SMARCC1: variants seen among roughly 807,000 people sequenced by gnomAD.
The protein encoded by SMARCC1 is SWI/SNF complex subunit SMARCC1.
In SMARCC1, 43 loss-of-function variants were observed where a neutral mutation model predicts 147.4. The observed-to-expected ratio is 0.29, with a 90% CI of 0.23 to 0.38. The LOEUF is 0.38. Among genes scored for constraint, SMARCC1 ranks in the 10% least tolerant of loss-of-function variants. The pLI is 1.00. For missense variants in SMARCC1, 1,119 were observed against 1,381.1 expected (o/e 0.81, Z 3.01); for synonymous variants, 495 against 484.4 (o/e 1.02, Z -0.29).
At chr3:47,598,825 CAAAAAAAAAAA>C (rs59776566) in intron 26 of SMARCC1, among the ~76,000 whole-genome samples, 73 of 68,992 alleles carry the variant, frequency 1.1e-3, no homozygotes, top group African/African-American at 3.4e-3. Flanking sequence ...GACTCTGTCT[CAAAAAAAAAAA>C]AAAAAAAAAA....
intron 23 of SMARCC1, among the ~76,000 whole-genome samples, chr3:47,635,800 GTTGA>G (rs2032961358): frequency 6.6e-6 from 1 of 152,170 alleles, no homozygotes; most frequent in South Asian, 2.1e-4. Flanking sequence ...CTTCAATACT[GTTGA>G]ATAACTTTTT....
At chr3:47,620,645 T>C (rs1265330626) in intron 25 of SMARCC1, among the ~76,000 whole-genome samples, 2 of 152,174 alleles carry the variant, frequency 1.3e-5, no homozygotes, top group African/African-American at 4.8e-5. Flanking sequence ...GTTTGGCCCA[T>C]GACCTTATGT....
intron 18 of SMARCC1, among the ~76,000 whole-genome samples, chr3:47,671,196 A>AAAAACAAAAAAAC (rs753672169): frequency 1.2e-5 from 1 of 81,144 alleles, no homozygotes; most frequent in Non-Finnish European, 2.4e-5. Context: ...AAAAAAAAAA[A>AAAAACAAAAAAAC]AACACACACA....
At chr3:47,772,713 T>A (rs1398126188) in intron 2 of SMARCC1, 104 bp downstream of exon 2, 59 of 1,048,054 alleles carry the variant, frequency 5.6e-5, no homozygotes, top group Middle Eastern at 3.1e-4. Flanking sequence ...TTTTTTTTTT[T>A]AAATTCTACA....
chr3:47,596,774 G>A (rs1014084639), intron 26 of SMARCC1, among the ~76,000 whole-genome samples: 3 of 152,038 alleles, frequency 2.0e-5, no homozygotes, highest in African/African-American at 4.8e-5. Context: ...AGTGCCTAGA[G>A]CAGAGAAAAA....
intron 21 of SMARCC1, among the ~76,000 whole-genome samples, chr3:47,655,318 G>A (rs1432905675): frequency 6.6e-6 from 1 of 152,204 alleles, no homozygotes; most frequent in Non-Finnish European, 1.5e-5. Context: ...GAAATCACTT[G>A]AGCCTGGGAG....
intron 2 of SMARCC1, among the ~76,000 whole-genome samples, chr3:47,756,081 G>A (rs1333398197): frequency 3.4e-5 from 5 of 149,128 alleles, no homozygotes; most frequent in Non-Finnish European, 5.9e-5. Context: ...AGCTGAGGCA[G>A]CAGAACCATT....
At chr3:47,707,857 C>T (rs543264201) in intron 9 of SMARCC1, among the ~76,000 whole-genome samples, 52 of 152,060 alleles carry the variant, frequency 3.4e-4, no homozygotes, top group Non-Finnish European at 4.4e-4. Context: ...TCAGCCTAGG[C>T]GATAGAATGA....
chr3:47,718,931 T>C (rs2106807778), intron 7 of SMARCC1, among the ~76,000 whole-genome samples: 1 of 152,224 alleles, frequency 6.6e-6, no homozygotes, highest in Admixed American at 6.5e-5. Flanking sequence ...AAAAATTTTT[T>C]TTTGAGATGG....
chr3:47,698,912 C>T (rs547115190), intron 11 of SMARCC1, among the ~76,000 whole-genome samples: 1 of 152,092 alleles, frequency 6.6e-6, no homozygotes, highest in East Asian at 1.9e-4. Flanking sequence ...TCAACAAAGG[C>T]AGCAAAATAG....
chr3:47,606,960 A>T (rs1334712088), intron 26 of SMARCC1, among the ~76,000 whole-genome samples: 1 of 151,330 alleles, frequency 6.6e-6, no homozygotes, highest in Non-Finnish European at 1.5e-5. Flanking sequence ...AGCGATCCTC[A>T]AGTCTTGGCC....
At chr3:47,589,098 T>C (rs1169180966) in intron 27 of SMARCC1, among the ~76,000 whole-genome samples, 2 of 152,228 alleles carry the variant, frequency 1.3e-5, no homozygotes, top group African/African-American at 2.4e-5. Context: ...AAGAGGTTTC[T>C]ACCAAACCCT....
Position 47,610,181 on chromosome 3 carries a change from T to A in SMARCC1, c.2928A>T (p.Gly976=), listed in dbSNP as rs779616736. ...CTGCTCCAAGTGGGGCCAGGCCAGGTCCTCCTGAGTGCTGGTGTGCCTGTT... is the reference window on the plus strand; with the variant it reads ...CTGCTCCAAGTGGGGCCAGGCCAGGACCTCCTGAGTGCTGGTGTGCCTGTT... The part of the protein sequence containing the change: ...NPQQAHQHSG[G]PGLAPLGAAG... Residue 976 remains glycine, a synonymous_variant, in exon 26 of 28, where the codon GGA becomes GGT. Coordinates refer to ENST00000254480, the MANE Select transcript of SMARCC1 (RefSeq NM_003074.4). 1.9e-6 allele frequency: 3 copies of A among 1,614,150 alleles called. 1 individual carries two copies. In the South Asian group the frequency reaches 3.3e-5, roughly 18 times the overall value.
chr3:47,775,601 G>A (rs2034965135), intron 1 of SMARCC1, among the ~76,000 whole-genome samples: 1 of 151,180 alleles, frequency 6.6e-6, no homozygotes, highest in East Asian at 2.0e-4. Flanking sequence ...GTGAAACCCC[G>A]TCTCTACTAA....
At chr3:47,675,378 A>T in intron 18 of SMARCC1, 97 bp downstream of exon 18, 1 of 585,488 alleles carries the variant, frequency 1.7e-6, no homozygotes, top group Non-Finnish European at 3.1e-6. Flanking sequence ...AATTGTTTTT[A>T]AAAATACCAT....
chr3:47,651,681 C>T (rs1359457047), intron 21 of SMARCC1, among the ~76,000 whole-genome samples: 7 of 152,190 alleles, frequency 4.6e-5, no homozygotes, highest in Admixed American at 2.6e-4. Context: ...TCCTTGCAAC[C>T]CTGCTTTGCT....
intron 14 of SMARCC1, among the ~76,000 whole-genome samples, chr3:47,683,556 A>G (rs1018420396): frequency 3.9e-5 from 6 of 152,042 alleles, no homozygotes; most frequent in African/African-American, 1.4e-4. Flanking sequence ...AAGGTATAAA[A>G]AGTACCCCAA....
At position 47,588,101 on chromosome 3, in the gene SMARCC1, T is replaced by C. The variant is rs905489945; in HGVS notation, c.*108A>G. 3.4e-6 allele frequency: 3 copies of C among 871,264 alleles called. No homozygotes were observed. In the African/African-American group the frequency reaches 5.1e-5, roughly 15 times the overall value. 54.0% of individuals were successfully genotyped at this position (871,264 alleles called of 1,614,324 possible). On this transcript the variant is annotated 3_prime_UTR_variant, in exon 28 of 28. Coordinates refer to ENST00000254480, the MANE Select transcript of SMARCC1 (RefSeq NM_003074.4). The stretch of plus-strand genomic sequence containing the variant: ...GGCACGGGACACGTGCTTGGAGCTG[T>C]GAGAAGAAAAATCCTGAAAGAAACC...
At position 47,662,449 on chromosome 3, in the gene SMARCC1, C is replaced by T. The variant is rs375908016; in HGVS notation, c.2043G>A (p.Leu681=). The T allele has an allele frequency of 9.3e-6, 15 of 1,613,928 alleles. No homozygotes were observed. The highest frequency in any genetic ancestry group is 1.2e-5 in the Non-Finnish European group (14 of 1,180,012). ...GACTGAAGGGGACAGGCTGGTAGGC[C>T]AAAGGCCCAAGGGAAGCATCTGAAT... ...LENSDASLGP[L]AYQPVPFSQS... Residue 681 remains leucine (L), a synonymous_variant, in exon 20 of 28, where the codon TTG becomes TTA. Transcript: ENST00000254480.
Sources: gnomAD v4.1 joint callset for allele counts (sites outside exome capture counted in the v4.1 genomes callset) on GRCh38, gnomAD v4.1.1 for gene constraint, MANE v1.5 for transcripts, NCBI Gene and HGNC (gene_info 2026-07-23, HGNC 2026-07-21) for gene names.